SLC22A15: variants seen among roughly 807,000 people sequenced by gnomAD.
The protein encoded by SLC22A15 is solute carrier family 22 member 15, also known as flipt 1.
Under a neutral mutation model 62.7 loss-of-function variants are expected in SLC22A15, and 45 were observed. The observed-to-expected ratio is 0.72, with a 90% confidence interval of 0.56 to 0.92. The LOEUF is 0.92. Among genes scored for constraint, SLC22A15 ranks in the 40% least tolerant of loss-of-function variants. The probability of loss-of-function intolerance (pLI) is 0.00; values close to 1 mark genes in which losing one functional copy is unlikely to be tolerated. For synonymous variants in SLC22A15, 264 were observed against 267.0 expected, an observed-to-expected ratio of 0.99 and a Z score of 0.11; for missense variants, 622 against 665.6, an observed-to-expected ratio of 0.93 and a Z score of 0.72.
At chr1:116,031,647 T>G (rs1657404048) in intron 6 of SLC22A15, 66 bp downstream of exon 6, 2 of 1,594,432 alleles carry the variant, frequency 1.3e-6, no homozygotes, top group African/African-American at 2.7e-5. Flanking sequence ...CTTGATATCC[T>G]GCTCCTTCTT....
At position 115,992,122 on chromosome 1, in the gene SLC22A15, G is replaced by A. The variant is rs372450677; in HGVS notation, c.179G>A (p.Ser60Asn). ...WDLAELLPNQ[S>N]HGNQSAGEDQ... The stretch of plus-strand genomic sequence containing the variant: ...CTGGCAGAGCTCCTGCCAAATCAGA[G>A]CCACGGTAACCAGTCAGCTGGTGAA... Residue 60 changes from serine (S) to asparagine (N), a missense_variant, in exon 2 of 12, where the codon AGC becomes AAC. Transcript: ENST00000369503. 1 of 1,613,940 alleles carries A rather than the reference G, an allele frequency of 6.2e-7. No homozygotes were observed. The highest frequency in any genetic ancestry group is 1.1e-5 in the South Asian group (1 of 91,048).
intron 1 of SLC22A15, among the ~76,000 whole-genome samples, chr1:115,985,670 C>T (rs1654821080): frequency 2.0e-5 from 3 of 151,618 alleles, no homozygotes; most frequent in South Asian, 2.1e-4. Context: ...GAGAGAAGGC[C>T]GGGCGCGGTG....
At chr1:116,006,364 A>G (rs1383015239) in intron 2 of SLC22A15, among the ~76,000 whole-genome samples, 1 of 152,154 alleles carries the variant, frequency 6.6e-6, no homozygotes, top group Non-Finnish European at 1.5e-5. Context: ...GGTGGAAGAC[A>G]GAAGGAAGGG....
chr1:116,062,799 G>A lies in SLC22A15; in HGVS notation c.1209G>A (p.Leu403=). The change falls in exon 9 of 12, where the codon TTG becomes TTA. Residue 403 remains leucine, a synonymous_variant. Coordinates refer to ENST00000369503, the MANE Select transcript of SLC22A15 (RefSeq NM_018420.3). ...TTGCAGTGGTGAACAGCCATTCCTTGTCCTTGCTGGGGAAGCTGACCATCA... is the reference window on the plus strand; with the variant it reads ...TTGCAGTGGTGAACAGCCATTCCTTATCCTTGCTGGGGAAGCTGACCATCA... ...GVFAVVNSHS[L]SLLGKLTISA... is the part of the protein sequence containing the mutation. 6.2e-7 allele frequency: 1 copy of A among 1,613,922 alleles called. No homozygotes were observed. Among genetic ancestry groups the A allele is most frequent in the Non-Finnish European group, 8.5e-7 (1 of 1,179,836 alleles).
intron 4 of SLC22A15, among the ~76,000 whole-genome samples, chr1:116,021,827 G>A (rs1026652842): frequency 2.6e-5 from 4 of 152,192 alleles, no homozygotes; most frequent in Non-Finnish European, 4.4e-5. Context: ...CCTGTTTTCA[G>A]CAGCTGATAA....
At chr1:115,990,911 C>T (rs1409593037) in intron 1 of SLC22A15, among the ~76,000 whole-genome samples, 1 of 152,152 alleles carries the variant, frequency 6.6e-6, no homozygotes, top group Non-Finnish European at 1.5e-5. Flanking sequence ...GTGCCCACCA[C>T]CACACCCGGA....
intron 8 of SLC22A15, among the ~76,000 whole-genome samples, chr1:116,040,815 A>G (rs1657759531): frequency 6.6e-6 from 1 of 152,158 alleles, no homozygotes; most frequent in Admixed American, 6.5e-5. Context: ...TTATTTTTGT[A>G]GGGTGGTCGG....
At chr1:116,037,465 C>A in intron 8 of SLC22A15, 77 bp downstream of exon 8, 1 of 1,047,746 alleles carries the variant, frequency 9.5e-7, no homozygotes, top group African/African-American at 1.6e-5. Context: ...GGAGAGATGA[C>A]CATATGGCAT....
intron 1 of SLC22A15, among the ~76,000 whole-genome samples, chr1:115,989,614 C>T (rs1655051284): frequency 2.0e-5 from 3 of 152,034 alleles, no homozygotes; most frequent in Admixed American, 6.6e-5. Context: ...AACCTCGTCT[C>T]TACTAAAAAT....
At chr1:116,020,150 A>G (rs754908214) in intron 3 of SLC22A15, among the ~76,000 whole-genome samples, 6 of 151,900 alleles carry the variant, frequency 3.9e-5, no homozygotes, top group Non-Finnish European at 8.8e-5. Context: ...TTCCAGCATT[A>G]TTGTGAATAA....
At position 116,067,851 on chromosome 1, in the gene SLC22A15, C is replaced by A. The variant is rs976982101; in HGVS notation, c.*743C>A. The A allele has an allele frequency of 6.6e-6, 1 of 152,148 alleles. No individual in the cohort carries two copies. Among genetic ancestry groups the A allele is most frequent in the Non-Finnish European group, 1.5e-5 (1 of 68,034 alleles). 9.4% of individuals were successfully genotyped at this position (152,148 alleles called of 1,614,324 possible). On this transcript the variant is annotated 3_prime_UTR_variant, in exon 12 of 12. Transcript: ENST00000369503. ...GGATACTATATTGTATGATTTCTTC[C>A]TTTCCCACTAATATGCACATCCAGA...
intron 8 of SLC22A15, among the ~76,000 whole-genome samples, chr1:116,040,613 A>AT (rs1031933386): frequency 6.6e-6 from 1 of 151,858 alleles, no homozygotes; most frequent in African/African-American, 2.4e-5. Context: ...TCTTAGAGAG[A>AT]TTTTTTTGTA....
chr1:116,048,445 G>A (rs533998398), intron 8 of SLC22A15, among the ~76,000 whole-genome samples: 18 of 152,188 alleles, frequency 1.2e-4, no homozygotes, highest in Admixed American at 3.3e-4. Flanking sequence ...TCCTCAAACC[G>A]AACAATTATC....
At chr1:116,021,133 C>G (rs1285226571) in intron 4 of SLC22A15, among the ~76,000 whole-genome samples, 1 of 152,204 alleles carries the variant, frequency 6.6e-6, no homozygotes, top group Non-Finnish European at 1.5e-5. Context: ...GGACTGCCTA[C>G]AGATTACTGT....
chr1:116,058,052 T>TATAATA lies in SLC22A15; in HGVS notation c.1172-4694_1172-4689dup, dbSNP rs71096859. On this transcript the variant is annotated intron_variant, in intron 8 of 11. Transcript: ENST00000369503. ...TGCACATGTACCCTAAAACTTAAAG[T>TATAATA]ATAATAATAATAATAATAATACTGA... 4.4e-3 allele frequency among the ~76,000 whole-genome samples: 641 copies of TATAATA among 147,194 alleles called. 3 individuals are homozygous for TATAATA. The highest frequency in any genetic ancestry group is 0.012 in the African/African-American group (504 of 40,554).
At chr1:116,055,230 C>T (rs1658169127) in intron 8 of SLC22A15, among the ~76,000 whole-genome samples, 1 of 152,060 alleles carries the variant, frequency 6.6e-6, no homozygotes, top group African/African-American at 2.4e-5. Flanking sequence ...GATATCACCA[C>T]CTATCCCACA....
At chr1:116,053,583 A>C (rs1168031643) in intron 8 of SLC22A15, among the ~76,000 whole-genome samples, 1 of 152,136 alleles carries the variant, frequency 6.6e-6, no homozygotes, top group East Asian at 1.9e-4. Context: ...GAGAAGAGCA[A>C]CTCCAAGACA....
chr1:115,994,722 TAC>T (rs1167244060), intron 2 of SLC22A15, among the ~76,000 whole-genome samples: 1 of 152,202 alleles, frequency 6.6e-6, no homozygotes, highest in Non-Finnish European at 1.5e-5. Context: ...TATGCCCAGA[TAC>T]TTCAGCGTGT....
At chr1:116,005,732 G>T (rs543626494) in intron 2 of SLC22A15, among the ~76,000 whole-genome samples, 1 of 152,234 alleles carries the variant, frequency 6.6e-6, no homozygotes, top group South Asian at 2.1e-4. Flanking sequence ...AGCTTCCAGA[G>T]TCCATGTTGG....
Sources: gnomAD v4.1 joint callset for allele counts (sites outside exome capture counted in the v4.1 genomes callset) on GRCh38, gnomAD v4.1.1 for gene constraint, MANE v1.5 for transcripts, NCBI Gene and HGNC (gene_info 2026-07-23, HGNC 2026-07-21) for gene names.